Variants in RELN observed in about 807,000 individuals in gnomAD.
RELN encodes the protein reelin.
A neutral mutation model predicts 427.6 loss-of-function variants in RELN; 108 were observed. The observed-to-expected ratio is 0.25, with a 90% CI of 0.22 to 0.30. The LOEUF is 0.30. RELN is among the 10% of genes least tolerant of loss of function. The pLI, the probability that RELN is intolerant of heterozygous loss-of-function variation, is 1.00. For missense variants in RELN, 3,715 were observed against 4,302.8 expected, an observed-to-expected ratio of 0.86 and a Z score of 3.82; for synonymous variants, 1,524 against 1,513.4, an observed-to-expected ratio of 1.01 and a Z score of -0.16.
intron 46 of RELN, among the ~76,000 whole-genome samples, chr7:103,528,854 A>G (rs1462046911): frequency 6.6e-6 from 1 of 151,628 alleles, no homozygotes; most frequent in Non-Finnish European, 1.5e-5. Flanking sequence ...AGTAAAGAAT[A>G]TAGCCAGGCA....
chr7:103,930,868 ATG>A (rs60265174), intron 1 of RELN, among the ~76,000 whole-genome samples: 52,093 of 141,608 alleles, frequency 0.37, 10,400 homozygotes, highest in Non-Finnish European at 0.46. Context: ...GTGTGAGCAT[ATG>A]TGTGTGTGTG....
In RELN at chr7:103,574,144, C is replaced by T; in HGVS notation, c.4459G>A (p.Gly1487Ser). 1 of 1,614,180 alleles carries T rather than the reference C, an allele frequency of 6.2e-7. No homozygotes were observed. The highest frequency in any genetic ancestry group is 8.5e-7 in the Non-Finnish European group (1 of 1,180,022). Residue 1487 changes from glycine to serine, a missense_variant, in exon 30 of 65, where the codon GGC (glycine) becomes AGC (serine). Coordinates refer to ENST00000428762, the MANE Select transcript of RELN (RefSeq NM_005045.4). ...GTCCGGGCTTCCCTTTTCCCAGGGC[C>T]ATTGAAGTAGAGAGATTTGCCATCG... ...LNDGKSLYFN[G>S]PGKREARTVP... is the part of the protein sequence containing the mutation.
intron 46 of RELN, among the ~76,000 whole-genome samples, chr7:103,527,078 C>A (rs1161867820): frequency 2.6e-5 from 4 of 152,076 alleles, no homozygotes; most frequent in Admixed American, 6.6e-5. Flanking sequence ...GTTAATAGTA[C>A]GGTTCCCCTC....
chr7:103,878,312 T>C (rs970120423), intron 2 of RELN, among the ~76,000 whole-genome samples: 25 of 152,212 alleles, frequency 1.6e-4, no homozygotes, highest in African/African-American at 5.5e-4. Flanking sequence ...TACAGCCACT[T>C]TACCCTCAAG....
intron 8 of RELN, among the ~76,000 whole-genome samples, chr7:103,704,627 G>C (rs963914950): frequency 6.6e-6 from 1 of 151,122 alleles, no homozygotes; most frequent in African/African-American, 2.4e-5. Context: ...GATTTTCCTG[G>C]ATAATGTCTA....
At chr7:103,635,300 C>T in intron 19 of RELN, 125 bp downstream of exon 19, 5 of 1,006,024 alleles carry the variant, frequency 5.0e-6, no homozygotes, top group Non-Finnish European at 7.4e-6. Flanking sequence ...CTGCAAGACA[C>T]ATCAATCTTT....
chr7:103,883,278 T>A lies in RELN; in HGVS notation c.337+33797A>T, dbSNP rs183862003. Among the ~76,000 whole-genome samples, 91 of 152,320 alleles carry A rather than the reference T, an allele frequency of 6.0e-4. No individual in the cohort carries two copies. The East Asian group carries it at 7.0e-3, about 12-fold the overall frequency. ...CACTCAACTGGGTATTGATGGAACA[T>A]ATCTCAAAATAATAAGAACTATTTA... On this transcript the variant is annotated intron_variant, in intron 2 of 64. Transcript: ENST00000428762.
chr7:103,618,279 C>A (rs750343359), intron 20 of RELN, among the ~76,000 whole-genome samples: 7 of 152,054 alleles, frequency 4.6e-5, no homozygotes, highest in Non-Finnish European at 7.3e-5. Context: ...CATGATGGTC[C>A]CCATTCTATG....
chr7:103,672,305 G>T (rs1265393052), intron 11 of RELN, among the ~76,000 whole-genome samples: 1 of 152,078 alleles, frequency 6.6e-6, no homozygotes, highest in African/African-American at 2.4e-5. Context: ...GTTACTATGG[G>T]GCTGGGGGCC....
chr7:103,833,395 T>C (rs1219276148), intron 3 of RELN, 142 bp downstream of exon 3: 4 of 868,432 alleles, frequency 4.6e-6, no homozygotes, highest in Non-Finnish European at 5.6e-6. Flanking sequence ...AGTTTTTACC[T>C]TTTTTGGCAA....
chr7:103,964,622 C>A (rs2116800751), intron 1 of RELN, among the ~76,000 whole-genome samples: 1 of 152,292 alleles, frequency 6.6e-6, no homozygotes, highest in Non-Finnish European at 1.5e-5. Flanking sequence ...GCATGACAAA[C>A]TTTTATTTGC....
chr7:103,987,867 C>T (rs1442839843), intron 1 of RELN, among the ~76,000 whole-genome samples: 3 of 152,174 alleles, frequency 2.0e-5, no homozygotes, highest in African/African-American at 7.2e-5. Flanking sequence ...TGCCACCATG[C>T]CACAAGGAAG....
At chr7:103,490,596 T>G in intron 59 of RELN, 72 bp downstream of exon 59, 1 of 1,512,726 alleles carries the variant, frequency 6.6e-7, no homozygotes, top group African/African-American at 1.4e-5. Flanking sequence ...TGTCAGTTGT[T>G]TTCAGCTCAC....
intron 1 of RELN, among the ~76,000 whole-genome samples, chr7:103,983,520 T>C (rs984918412): frequency 3.9e-5 from 6 of 152,246 alleles, no homozygotes; most frequent in Admixed American, 3.3e-4. Context: ...ATATTCATAT[T>C]TGAAAATTCA....
At chr7:103,585,105 A>G (rs1831240067) in intron 28 of RELN, among the ~76,000 whole-genome samples, 1 of 152,186 alleles carries the variant, frequency 6.6e-6, no homozygotes, top group Non-Finnish European at 1.5e-5. Flanking sequence ...TATAAAAAAG[A>G]TAGAAAGATT....
intron 11 of RELN, among the ~76,000 whole-genome samples, chr7:103,669,859 T>TA (rs1833352310): frequency 1.3e-5 from 2 of 152,130 alleles, no homozygotes; most frequent in South Asian, 4.1e-4. Context: ...ATTCTAAAAT[T>TA]AAAAAGCCCT....
intron 27 of RELN, 144 bp from the exon 28 acceptor site, chr7:103,589,972 A>T (rs1831372289): frequency 1.5e-6 from 1 of 681,600 alleles, no homozygotes. Flanking sequence ...AGTCCCAACC[A>T]AGACCCTTCA....
At chr7:103,836,866 T>G (rs569709072) in intron 2 of RELN, among the ~76,000 whole-genome samples, 4 of 152,330 alleles carry the variant, frequency 2.6e-5, no homozygotes, top group Admixed American at 2.6e-4. Flanking sequence ...CTTTCTTTAC[T>G]TCTTAAGCTC....
chr7:103,639,212 T>C (rs557386396), intron 17 of RELN, among the ~76,000 whole-genome samples: 1 of 152,246 alleles, frequency 6.6e-6, no homozygotes, highest in East Asian at 1.9e-4. Context: ...GGAATGCATA[T>C]TCAGTTTGGA....
Sources: gnomAD v4.1 joint callset for allele counts (sites outside exome capture counted in the v4.1 genomes callset) on GRCh38, gnomAD v4.1.1 for gene constraint, MANE v1.5 for transcripts, NCBI Gene and HGNC (gene_info 2026-07-23, HGNC 2026-07-21) for gene names.